Variants in FSHR observed in about 807,000 individuals in gnomAD.
The protein encoded by FSHR is follicle stimulating hormone receptor.
FSHR carries 46 observed loss-of-function variants against 52.1 expected under a neutral mutation model. The ratio of observed to expected loss-of-function variants is 0.88; its 90% CI spans 0.70 to 1.13. FSHR has a LOEUF of 1.13. Among genes scored for constraint, FSHR ranks in the 50% most tolerant of loss-of-function variants. The pLI is 0.00. For missense variants in FSHR, 964 were observed against 834.6 expected (o/e 1.16, Z -1.91); for synonymous variants, 399 against 309.6 (o/e 1.29, Z -3.03).
At chr2:48,987,577 C>G (rs572031602) in intron 6 of FSHR, among the ~76,000 whole-genome samples, 1 of 152,126 alleles carries the variant, frequency 6.6e-6, no homozygotes, top group East Asian at 1.9e-4. Flanking sequence ...CCTCTGCACG[C>G]CCTTTGCCAA....
At position 48,991,701 on chromosome 2, in the gene FSHR, G is replaced by A. The variant is rs185157414; in HGVS notation, c.375-1064C>T. The stretch of plus-strand genomic sequence containing the variant: ...GGGTGGAACTGGCTGCCAGAACAAT[G>A]GTGAGGGTTTTTAGAGGCACATACG... On this transcript the variant is annotated intron_variant, in intron 4 of 9. Coordinates refer to ENST00000406846, the MANE Select transcript of FSHR (RefSeq NM_000145.4). Among the ~76,000 whole-genome samples the A allele has an allele frequency of 3.1e-3, 473 of 152,280 alleles. 6 individuals are homozygous for A. Among genetic ancestry groups the A allele is most frequent in the African/African-American group, 0.011 (458 of 41,560 alleles).
At chr2:48,993,176 C>T (rs538083382) in intron 4 of FSHR, among the ~76,000 whole-genome samples, 17 of 152,152 alleles carry the variant, frequency 1.1e-4, no homozygotes, top group South Asian at 8.3e-4. Context: ...TTTTAAGTAG[C>T]ATCAATATTG....
intron 1 of FSHR, among the ~76,000 whole-genome samples, chr2:49,093,345 C>T (rs961481582): frequency 6.6e-6 from 1 of 152,112 alleles, no homozygotes; most frequent in Non-Finnish European, 1.5e-5. Context: ...TCAGTTGTAT[C>T]AGTTTGTGAT....
chr2:48,962,544 G>T lies in FSHR; in HGVS notation c.*189C>A. The T allele has an allele frequency of 1.6e-6, 1 of 614,354 alleles. No homozygotes were observed. The highest frequency in any genetic ancestry group is 2.9e-6 in the Non-Finnish European group (1 of 349,142). The allele number at this position is 614,354 out of a possible 1,614,324, so 38.1% of individuals were successfully genotyped here. A position where few individuals can be genotyped will look rare whatever the true frequency, so the allele number is the denominator to read the frequency against. ...ATTGCATTCTTTAATTATTATTGTT[G>T]TTACTAATAATTCAGCTTCCTAATG... is the stretch of plus-strand genomic sequence containing the variant. On this transcript the variant is annotated 3_prime_UTR_variant, in exon 10 of 10. Transcript: ENST00000406846.
chr2:49,012,739 CG>C, intron 4 of FSHR, among the ~76,000 whole-genome samples: 1 of 152,084 alleles, frequency 6.6e-6, no homozygotes, highest in Admixed American at 6.6e-5. Context: ...ATCCATTTTG[CG>C]TTTTTTCTCT....
chr2:49,110,883 AT>A (rs1268570563), intron 1 of FSHR, among the ~76,000 whole-genome samples: 1 of 152,144 alleles, frequency 6.6e-6, no homozygotes, highest in Admixed American at 6.5e-5. Flanking sequence ...AGGAAAATTA[AT>A]TTTTGTTACA....
rs77847873 is a variant in FSHR at position 48,970,325 on chromosome 2, G to C, written c.669-1442C>G. On this transcript the variant is annotated intron_variant, in intron 8 of 9. Transcript: ENST00000406846. ...TATTTCCTCATCTCACAATTCAGTT[G>C]AGTTTCTCTTCAGCCTCTCGGGAAA... 2.2e-4 allele frequency among the ~76,000 whole-genome samples: 33 copies of C among 152,084 alleles called. No individual in the cohort carries two copies. In the East Asian group the frequency reaches 6.2e-3, roughly 29 times the overall value.
chr2:49,016,714 A>T (rs1452689265), intron 4 of FSHR, among the ~76,000 whole-genome samples: 1 of 152,204 alleles, frequency 6.6e-6, no homozygotes, highest in Non-Finnish European at 1.5e-5. Flanking sequence ...TTAAGCCTCT[A>T]TCTTTGTGTA....
intron 1 of FSHR, among the ~76,000 whole-genome samples, chr2:49,081,247 C>T (rs898437997): frequency 2.0e-5 from 3 of 152,056 alleles, no homozygotes; most frequent in Non-Finnish European, 4.4e-5. Flanking sequence ...ATTAAAGATG[C>T]ATATATATCT....
intron 2 of FSHR, among the ~76,000 whole-genome samples, chr2:49,026,164 C>T (rs754768728): frequency 4.1e-4 from 63 of 152,172 alleles, no homozygotes; most frequent in Non-Finnish European, 8.1e-4. Context: ...ATAAAAGTAC[C>T]TTCAGTGGCT....
intron 1 of FSHR, among the ~76,000 whole-genome samples, chr2:49,086,336 C>G (rs1670391723): frequency 6.6e-6 from 1 of 152,136 alleles, no homozygotes; most frequent in Non-Finnish European, 1.5e-5. Flanking sequence ...AAAGATGTAG[C>G]AACCCTGAGC....
intron 1 of FSHR, among the ~76,000 whole-genome samples, chr2:49,136,439 A>G (rs1320713371): frequency 6.6e-6 from 1 of 152,128 alleles, no homozygotes; most frequent in Non-Finnish European, 1.5e-5. Context: ...CCAAATATTT[A>G]ATGAAGAATA....
At chr2:48,972,918 T>C (rs992174323) in intron 8 of FSHR, among the ~76,000 whole-genome samples, 1 of 152,224 alleles carries the variant, frequency 6.6e-6, no homozygotes, top group South Asian at 2.1e-4. Flanking sequence ...TTATACTCCA[T>C]GGAATATCAT....
chr2:49,032,615 G>A (rs531786497), intron 2 of FSHR, among the ~76,000 whole-genome samples: 2 of 152,252 alleles, frequency 1.3e-5, no homozygotes, highest in South Asian at 4.1e-4. Context: ...ATCACTGATG[G>A]GCGAAATAAA....
chr2:49,137,658 C>G (rs550948682), intron 1 of FSHR, among the ~76,000 whole-genome samples: 1 of 152,024 alleles, frequency 6.6e-6, no homozygotes, highest in South Asian at 2.1e-4. Flanking sequence ...GGAACAGAAA[C>G]AATGAGAGTC....
chr2:49,024,763 TAAGA>T (rs1667863312), intron 2 of FSHR, among the ~76,000 whole-genome samples: 1 of 152,176 alleles, frequency 6.6e-6, no homozygotes, highest in South Asian at 2.1e-4. Flanking sequence ...CTCAGTAAAT[TAAGA>T]GACTCAACTG....
At chr2:49,012,314 A>G (rs1391613762) in intron 4 of FSHR, among the ~76,000 whole-genome samples, 1 of 152,158 alleles carries the variant, frequency 6.6e-6, no homozygotes, top group African/African-American at 2.4e-5. Flanking sequence ...AAAGAAAGAA[A>G]TATTGCCTGT....
At position 49,029,683 on chromosome 2, in the gene FSHR, A is replaced by G. The variant is rs371187166; in HGVS notation, c.225-9523T>C. On this transcript the variant is annotated intron_variant, in intron 2 of 9. Transcript: ENST00000406846. ...AGGATAAAAGCACATAGTGTTATGCAAAGGTCGTGCTGCTTACTATTATTT... is the reference window on the plus strand; with the variant it reads ...AGGATAAAAGCACATAGTGTTATGCGAAGGTCGTGCTGCTTACTATTATTT... Among the ~76,000 whole-genome samples the G allele has an allele frequency of 1.6e-4, 24 of 152,332 alleles. 1 individual carries two copies. In the South Asian group the frequency reaches 5.0e-3, roughly 32 times the overall value.
intron 1 of FSHR, among the ~76,000 whole-genome samples, chr2:49,149,484 G>T (rs1672983834): frequency 6.6e-6 from 1 of 152,062 alleles, no homozygotes; most frequent in Admixed American, 6.5e-5. Flanking sequence ...GCTGGGGTTG[G>T]ATAGACCAGC....
Sources: gnomAD v4.1 joint callset for allele counts (sites outside exome capture counted in the v4.1 genomes callset) on GRCh38, gnomAD v4.1.1 for gene constraint, MANE v1.5 for transcripts, NCBI Gene and HGNC (gene_info 2026-07-23, HGNC 2026-07-21) for gene names.